Variants in ANO2 observed in about 807,000 individuals in gnomAD.
ANO2 encodes anoctamin-2.
ANO2 carries 101 observed loss-of-function variants against 124.2 expected under a neutral mutation model. The observed-to-expected ratio is 0.81, with a 90% CI of 0.69 to 0.96. ANO2 has a LOEUF of 0.96. ANO2 is among the 40% of genes least tolerant of loss of function. The pLI is 0.00. For missense variants in ANO2, 1,293 were observed against 1,274.5 expected (o/e 1.01, Z -0.22); for synonymous variants, 486 against 482.5 (o/e 1.01, Z -0.09).
intron 3 of ANO2, among the ~76,000 whole-genome samples, chr12:5,920,431 G>T (rs61908422): frequency 0.15 from 23,023 of 152,070 alleles, 1,981 homozygotes; most frequent in Middle Eastern, 0.2. Context: ...GAAATTTCTT[G>T]CCTTTAATGT....
At chr12:5,800,587 TAAA>T (rs150847549) in intron 9 of ANO2, among the ~76,000 whole-genome samples, 4,211 of 152,274 alleles carry the variant, frequency 0.028, 79 homozygotes, top group African/African-American at 0.033. Flanking sequence ...ATTTTAAAGG[TAAA>T]GCCTGTAAGA....
intron 16 of ANO2, among the ~76,000 whole-genome samples, chr12:5,625,683 G>A (rs947518659): frequency 2.0e-5 from 3 of 152,090 alleles, no homozygotes; most frequent in African/African-American, 7.2e-5. Flanking sequence ...ATCCTTCGAA[G>A]TAGCCAGCCA....
intron 3 of ANO2, among the ~76,000 whole-genome samples, chr12:5,903,402 A>C (rs550395080): frequency 2.0e-4 from 30 of 152,294 alleles, no homozygotes; most frequent in South Asian, 8.3e-4. Flanking sequence ...TTAAGCACCC[A>C]CTATGTGCCA....
chr12:5,886,687 G>A (rs1007380119), intron 3 of ANO2, among the ~76,000 whole-genome samples: 3 of 152,164 alleles, frequency 2.0e-5, no homozygotes, highest in African/African-American at 7.2e-5. Flanking sequence ...AAGGGTGTTT[G>A]CATGTGTTCA....
chr12:5,855,338 G>A (rs773140923), intron 3 of ANO2, among the ~76,000 whole-genome samples: 1 of 152,200 alleles, frequency 6.6e-6, no homozygotes, highest in Admixed American at 6.5e-5. Context: ...GTGCTCACAT[G>A]TGCTTTTGAA....
chr12:5,826,695 T>C (rs549713628), intron 7 of ANO2, among the ~76,000 whole-genome samples: 1 of 152,252 alleles, frequency 6.6e-6, no homozygotes, highest in Non-Finnish European at 1.5e-5. Flanking sequence ...TTAAGCACTA[T>C]TCTAAAAAGA....
At chr12:5,802,723 A>G (rs1453789031) in intron 9 of ANO2, among the ~76,000 whole-genome samples, 1 of 152,210 alleles carries the variant, frequency 6.6e-6, no homozygotes, top group Non-Finnish European at 1.5e-5. Context: ...TGCAGCTCTT[A>G]GTGAATCCAC....
At chr12:5,749,609 T>C (rs1951378371) in intron 11 of ANO2, among the ~76,000 whole-genome samples, 1 of 152,212 alleles carries the variant, frequency 6.6e-6, no homozygotes, top group Non-Finnish European at 1.5e-5. Context: ...ATCACTTGCA[T>C]CCAAAAGAAT....
intron 10 of ANO2, among the ~76,000 whole-genome samples, chr12:5,768,563 T>C (rs1433700484): frequency 1.3e-5 from 2 of 152,192 alleles, no homozygotes; most frequent in East Asian, 3.9e-4. Context: ...ATGGCCCTTC[T>C]CTCCAGTGAG....
chr12:5,744,501 C>G (rs770565456), intron 11 of ANO2, among the ~76,000 whole-genome samples, 184 bp from the exon 12 acceptor site: 1 of 152,108 alleles, frequency 6.6e-6, no homozygotes, highest in Non-Finnish European at 1.5e-5. Context: ...ATACTTTGTT[C>G]AAAAACAACA....
intron 1 of ANO2, among the ~76,000 whole-genome samples, chr12:5,938,733 G>C (rs1942762052): frequency 6.6e-6 from 1 of 152,128 alleles, no homozygotes. Flanking sequence ...GCTGAGGCAG[G>C]AGAATTGCTT....
intron 22 of ANO2, 34 bp from the exon 23 acceptor site, chr12:5,576,049 G>T: frequency 6.4e-7 from 1 of 1,554,284 alleles, no homozygotes; most frequent in East Asian, 2.4e-5. Flanking sequence ...TGAGTAGCCA[G>T]GATTGATGCT....
chr12:5,758,970 A>G (rs1337818318), intron 10 of ANO2, among the ~76,000 whole-genome samples: 1 of 152,234 alleles, frequency 6.6e-6, no homozygotes, highest in East Asian at 1.9e-4. Flanking sequence ...ATCTACTACA[A>G]AAGATGTATC....
At chr12:5,798,505 G>A (rs896782406) in intron 10 of ANO2, among the ~76,000 whole-genome samples, 1 of 152,094 alleles carries the variant, frequency 6.6e-6, no homozygotes, top group Non-Finnish European at 1.5e-5. Context: ...CACAATCCCA[G>A]CCCAGGGCAA....
chr12:5,794,306 C>T (rs1458853647), intron 10 of ANO2, among the ~76,000 whole-genome samples: 7 of 152,046 alleles, frequency 4.6e-5, no homozygotes, highest in Admixed American at 3.9e-4. Context: ...GGATTGCCTG[C>T]TAATTCGTGG....
chr12:5,675,532 T>C (rs1323658544), intron 14 of ANO2, among the ~76,000 whole-genome samples: 5 of 152,190 alleles, frequency 3.3e-5, no homozygotes, highest in African/African-American at 1.2e-4. Context: ...AACCCTAGCC[T>C]TTCTTATAGG....
intron 15 of ANO2, among the ~76,000 whole-genome samples, chr12:5,646,532 C>T (rs1946644732): frequency 6.6e-6 from 1 of 152,074 alleles, no homozygotes; most frequent in African/African-American, 2.4e-5. Context: ...AGTGTCTAAG[C>T]ATGGTGTCAA....
chr12:5,903,530 G>A (rs2136284630), intron 3 of ANO2, among the ~76,000 whole-genome samples: 1 of 152,274 alleles, frequency 6.6e-6, no homozygotes, highest in African/African-American at 2.4e-5. Context: ...CTGAAATTCA[G>A]ATTCTGGCTG....
chr12:5,568,723 G>C (rs1393369604), intron 23 of ANO2, among the ~76,000 whole-genome samples: 1 of 152,130 alleles, frequency 6.6e-6, no homozygotes, highest in Non-Finnish European at 1.5e-5. Flanking sequence ...GTGATGCTGC[G>C]TGTTTTGTTT....
Sources: allele counts gnomAD v4.1 joint callset (sites outside exome capture counted in the v4.1 genomes callset), GRCh38; gene constraint gnomAD v4.1.1; transcripts MANE v1.5; gene names NCBI Gene and HGNC (gene_info 2026-07-23, HGNC 2026-07-21).